The following PPP1R1C variants were observed in gnomAD, a reference collection of about 807,000 sequenced individuals.
PPP1R1C encodes the protein protein phosphatase 1 regulatory subunit 1C.
Under a neutral mutation model 17.4 loss-of-function variants are expected in PPP1R1C, and 15 were observed. That is an observed-to-expected ratio of 0.86 (90% CI 0.58 to 1.33). The LOEUF is 1.33. Ranked by LOEUF, PPP1R1C falls within the 40% of genes most tolerant of loss-of-function variation. PPP1R1C has a pLI of 0.00. For synonymous variants in PPP1R1C, 35 were observed against 43.1 expected (o/e 0.81, Z 0.73); for missense variants, 143 against 130.0 (o/e 1.10, Z -0.48).
intron 2 of PPP1R1C, among the ~76,000 whole-genome samples, chr2:182,054,032 T>C (rs1687608941): frequency 1.3e-5 from 2 of 152,178 alleles, no homozygotes; most frequent in African/African-American, 4.8e-5. Flanking sequence ...CTTCCTTATG[T>C]CTGTTTACCT....
At chr2:182,095,652 G>C (rs1056116218) in intron 4 of PPP1R1C, among the ~76,000 whole-genome samples, 1 of 152,178 alleles carries the variant, frequency 6.6e-6, no homozygotes, top group Non-Finnish European at 1.5e-5. Context: ...GTCTTCCAAT[G>C]GGGCTGCAGA....
upstream of PPP1R1C, among the ~76,000 whole-genome samples, chr2:181,983,124 T>A (rs1685223637): frequency 6.6e-6 from 1 of 152,178 alleles, no homozygotes; most frequent in African/African-American, 2.4e-5. Context: ...TACCATGGAA[T>A]TGATGTGGTC....
intron 2 of PPP1R1C, among the ~76,000 whole-genome samples, chr2:182,024,889 C>CAAACAAA (rs1686547882): frequency 6.7e-6 from 1 of 148,686 alleles, no homozygotes. Context: ...AACAAACAAA[C>CAAACAAA]AAAAATACTA....
intron 4 of PPP1R1C, among the ~76,000 whole-genome samples, chr2:182,094,412 A>G (rs561734252): frequency 6.6e-6 from 1 of 152,248 alleles, no homozygotes; most frequent in South Asian, 2.1e-4. Context: ...ACTGAAAGTT[A>G]AACATTCAGT....
intron 5 of PPP1R1C, among the ~76,000 whole-genome samples, chr2:182,127,911 A>G (rs1469048610): frequency 6.6e-6 from 1 of 152,068 alleles, no homozygotes; most frequent in East Asian, 1.9e-4. Flanking sequence ...GGAGTTAAAA[A>G]TATTAACATT....
intron 2 of PPP1R1C, among the ~76,000 whole-genome samples, chr2:182,037,657 A>G (rs1687052794): frequency 6.6e-6 from 1 of 152,210 alleles, no homozygotes; most frequent in South Asian, 2.1e-4. Context: ...ATTGATGGCA[A>G]CCTATAAAGA....
chr2:182,040,568 T>C (rs953730247), intron 2 of PPP1R1C, among the ~76,000 whole-genome samples: 2 of 152,238 alleles, frequency 1.3e-5, no homozygotes, highest in African/African-American at 4.8e-5. Flanking sequence ...CTTTGTTGGA[T>C]GCATAGTTTG....
At chr2:182,014,296 A>G (rs1686187001) in intron 2 of PPP1R1C, among the ~76,000 whole-genome samples, 20 of 152,224 alleles carry the variant, frequency 1.3e-4, no homozygotes, top group Admixed American at 1.3e-3. Flanking sequence ...TTCAAGACTC[A>G]TAGAGGTACT....
At chr2:182,072,264 C>T (rs967634090) in intron 4 of PPP1R1C, among the ~76,000 whole-genome samples, 16 of 152,048 alleles carry the variant, frequency 1.1e-4, no homozygotes, top group African/African-American at 3.9e-4. Flanking sequence ...ATGGAGTGTT[C>T]CCTGATGTTT....
At chr2:182,007,198 A>C (rs1030113631) in intron 2 of PPP1R1C, among the ~76,000 whole-genome samples, 57 of 152,224 alleles carry the variant, frequency 3.7e-4, no homozygotes, top group African/African-American at 1.3e-3. Context: ...CTTGTGTTGA[A>C]ATTTAACAAT....
downstream of PPP1R1C, among the ~76,000 whole-genome samples, chr2:182,119,353 C>T (rs1226842759): frequency 2.6e-5 from 4 of 152,014 alleles, no homozygotes; most frequent in Non-Finnish European, 4.4e-5. Context: ...GTGAATAGTG[C>T]CGCAATAAAC....
At chr2:182,081,772 T>C (rs1688485908) in intron 4 of PPP1R1C, among the ~76,000 whole-genome samples, 1 of 152,192 alleles carries the variant, frequency 6.6e-6, no homozygotes, top group Non-Finnish European at 1.5e-5. Context: ...GAAAAGCCAC[T>C]TCAACCACTC....
At chr2:182,115,902 G>C (rs972044129) in intron 4 of PPP1R1C, among the ~76,000 whole-genome samples, 2 of 152,008 alleles carry the variant, frequency 1.3e-5, no homozygotes, top group Admixed American at 1.3e-4. Flanking sequence ...ATTCTTACTA[G>C]AGTGTTTTTT....
chr2:182,058,795 G>A (rs1687763405), intron 2 of PPP1R1C, among the ~76,000 whole-genome samples: 1 of 152,002 alleles, frequency 6.6e-6, no homozygotes, highest in Non-Finnish European at 1.5e-5. Flanking sequence ...TGGCTCTTTA[G>A]GCTTTCCTTA....
Position 181,962,399 on chromosome 2 carries a change from C to T in PPP1R1C, n.111+7765C>T, listed in dbSNP as rs1684816454. On this transcript the variant is annotated intron_variant and non_coding_transcript_variant, in intron 1 of 5. Coordinates refer to the PPP1R1C transcript ENST00000464264. The surrounding 1 kb of genome is among the most constrained non-coding windows in gnomAD (Gnocchi z 6.0). The stretch of plus-strand genomic sequence containing the variant: ...GACGCTGGCCATGCAGCTGGCCGGC[C>T]GGGCGCCGTAGTTGGACACCTGGAC... 1.1e-5 allele frequency: 8 copies of T among 747,762 alleles called. No homozygotes were observed. The highest frequency in any genetic ancestry group is 2.6e-5 in the East Asian group (1 of 38,532). The allele number at this position is 747,762 out of a possible 1,614,324, so 46.3% of individuals were successfully genotyped here.
chr2:182,087,504 C>A (rs1182529316), intron 4 of PPP1R1C, among the ~76,000 whole-genome samples: 2 of 152,182 alleles, frequency 1.3e-5, no homozygotes, highest in Non-Finnish European at 2.9e-5. Context: ...TGCTTAATAT[C>A]TGGACTTTCC....
chr2:182,032,610 G>A (rs1182106725), intron 2 of PPP1R1C, among the ~76,000 whole-genome samples: 1 of 152,122 alleles, frequency 6.6e-6, no homozygotes, highest in Non-Finnish European at 1.5e-5. Flanking sequence ...CATTCGTGCT[G>A]AAAGGCAGTA....
intron 4 of PPP1R1C, among the ~76,000 whole-genome samples, chr2:182,082,103 T>G (rs888358733): frequency 2.6e-5 from 4 of 152,300 alleles, no homozygotes; most frequent in Non-Finnish European, 5.9e-5. Flanking sequence ...GTATTTCCCT[T>G]TATCTACCAC....
chr2:182,089,619 A>G (rs182499581), intron 4 of PPP1R1C, among the ~76,000 whole-genome samples: 56 of 152,312 alleles, frequency 3.7e-4, no homozygotes, highest in African/African-American at 1.3e-3. Flanking sequence ...AGATATTTCC[A>G]TAGCTAAAGT....
Sources: allele counts gnomAD v4.1 joint callset (sites outside exome capture counted in the v4.1 genomes callset), GRCh38; gene constraint gnomAD v4.1.1; non-coding constraint Gnocchi (gnomAD v3.1); transcripts MANE v1.5; gene names NCBI Gene and HGNC (gene_info 2026-07-23, HGNC 2026-07-21).